UNC45A: variants seen among roughly 807,000 people sequenced by gnomAD.
The protein encoded by UNC45A is protein unc-45 homolog A.
Under a neutral mutation model 103.2 loss-of-function variants are expected in UNC45A, and 78 were observed. The ratio of observed to expected loss-of-function variants is 0.76; its 90% CI spans 0.63 to 0.91. The LOEUF (loss-of-function observed/expected upper bound fraction) is 0.91, where lower values mean the gene tolerates loss of function less well. Among genes scored for constraint, UNC45A ranks in the 40% least tolerant of loss-of-function variants. The probability of loss-of-function intolerance (pLI) is 0.00; values close to 1 mark genes in which losing one functional copy is unlikely to be tolerated. For missense variants in UNC45A, 1,193 were observed against 1,224.8 expected (o/e 0.97, Z 0.39); for synonymous variants, 495 against 504.6 (o/e 0.98, Z 0.25).
chr15:90,949,420 T>C lies in UNC45A; in HGVS notation c.1983T>C (p.Ser661=), dbSNP rs1421718988. 1 of 1,613,714 alleles carries C rather than the reference T, an allele frequency of 6.2e-7. No individual in the cohort carries two copies. Among genetic ancestry groups the C allele is most frequent in the East Asian group, 2.2e-5 (1 of 44,894 alleles). Reference sequence around the variant, plus strand: ...AGACGGAGAGCCCTGTGCTGACCAGTTCCTGCAGAGAGCTGCTCTCCAGGT... The same window carrying C: ...AGACGGAGAGCCCTGTGCTGACCAGCTCCTGCAGAGAGCTGCTCTCCAGGT... ...MVKTESPVLT[S]SCRELLSRVF... Residue 661 remains serine, a synonymous_variant, in exon 14 of 20, where the codon AGT becomes AGC. Transcript: ENST00000418476.
upstream of UNC45A, chr15:90,932,162 G>C: frequency 6.5e-7 from 1 of 1,540,838 alleles, no homozygotes; most frequent in South Asian, 1.3e-5. Context: ...TCCCAAGGCG[G>C]TGTGTTGTGG....
At chr15:90,950,689 T>C (rs1036819389) in intron 17 of UNC45A, 74 bp downstream of exon 17, 21 of 1,442,570 alleles carry the variant, frequency 1.5e-5, no homozygotes, top group East Asian at 4.8e-5. Flanking sequence ...AGTTTACACA[T>C]TGGGAAACAC....
upstream of UNC45A, chr15:90,931,795 C>T (rs2035804017): frequency 6.2e-7 from 1 of 1,614,180 alleles, no homozygotes; most frequent in East Asian, 2.2e-5. Context: ...GGGGCGCTTG[C>T]TCCACCTGCA....
At chr15:90,934,157 C>T, upstream of UNC45A, 2 of 399,290 alleles carry the variant, frequency 5.0e-6, no homozygotes, top group Non-Finnish European at 8.8e-6. Context: ...CAGCACTTAC[C>T]CCTGTGGCCC....
At position 90,950,482 on chromosome 15, in the gene UNC45A, G is replaced by T. The variant is rs1307719549; in HGVS notation, c.2188-18G>T. The T allele has an allele frequency of 2.5e-6, 4 of 1,611,644 alleles. No individual in the cohort carries two copies. Among genetic ancestry groups the T allele is most frequent in the South Asian group, 1.1e-5 (1 of 90,924 alleles). On this transcript the variant is annotated intron_variant, in intron 16 of 19. Coordinates refer to ENST00000418476, the MANE Select transcript of UNC45A (RefSeq NM_018671.5). ...GGGCTGCGGCAAGTACCCCTGACAG[G>T]TGGGGTGCACATTGCAGATCTATGA...
chr15:90,938,020 C>A (rs1295148277), intron 4 of UNC45A, among the ~76,000 whole-genome samples: 1 of 152,158 alleles, frequency 6.6e-6, no homozygotes, highest in Non-Finnish European at 1.5e-5. Context: ...TGGTCTTGAA[C>A]TCCTAGGCTC....
rs2151373983 is a variant in UNC45A, at chr15:90,949,359, C to T, written c.1922C>T (p.Ala641Val). 6.2e-7 allele frequency: 1 copy of T among 1,613,600 alleles called. No individual in the cohort carries two copies. The change falls in exon 14 of 20, where the codon GCA becomes GTA. Residue 641 changes from alanine (A) to valine (V), a missense_variant. By Grantham distance (64) the Ala-to-Val change is moderately conservative. Transcript: ENST00000418476. ...CGGGCTCGGGTGAAGAAGCTGCTGG[C>T]AGCGGGTGTGGTGTCGGCCATGGTG... ...FVRARVKKLL[A>V]AGVVSAMVCM...
rs1412906112 is a variant in UNC45A at position 90,935,303 on chromosome 15, G to A, written c.-22G>A. On this transcript the variant is annotated 5_prime_UTR_variant, in exon 1 of 20. Coordinates refer to ENST00000418476, the MANE Select transcript of UNC45A (RefSeq NM_018671.5). ...CCGCCCCAGAGACTGCGCCTGCGCG[G>A]GCACGAGACAACCTCTCCGCGATGA... The A allele has an allele frequency of 2.5e-6, 4 of 1,596,690 alleles. No homozygotes were observed. Among genetic ancestry groups the A allele is most frequent in the East Asian group, 2.3e-5 (1 of 43,936 alleles).
chr15:90,932,505 G>C (rs562598170), upstream of UNC45A: 490 of 1,307,272 alleles, frequency 3.7e-4, no homozygotes, highest in African/African-American at 6.6e-3. Flanking sequence ...CCGCGAAGTC[G>C]GCAGCCTCCA....
chr15:90,950,672 C>A, intron 17 of UNC45A, 57 bp downstream of exon 17: 1 of 1,543,030 alleles, frequency 6.5e-7, no homozygotes, highest in East Asian at 2.3e-5. Context: ...GGAATATCCC[C>A]CACAGCAGTT....
upstream of UNC45A, chr15:90,934,467 G>C: frequency 2.5e-6 from 1 of 399,042 alleles, no homozygotes; most frequent in Non-Finnish European, 4.4e-6. Context: ...GCAGGCTGCA[G>C]GGGGCTCCTG....
At position 90,952,721 on chromosome 15, in the gene UNC45A, G is replaced by A. The variant is rs147348406; in HGVS notation, c.2304-208G>A. On this transcript the variant is annotated intron_variant, in intron 17 of 19. Transcript: ENST00000418476. Reference sequence around the variant, plus strand: ...ATTACAGGCGTGAGCCTCCACGCCCGGCCGAGATGCCACGCACTTTTAAAT... The same window carrying A: ...ATTACAGGCGTGAGCCTCCACGCCCAGCCGAGATGCCACGCACTTTTAAAT... 4.6e-4 allele frequency: 258 copies of A among 564,316 alleles called. 2 individuals are homozygous for A. Among genetic ancestry groups the A allele is most frequent in the African/African-American group, 1.8e-3 (96 of 53,276 alleles). The allele number at this position is 564,316 out of a possible 1,614,324, so 35.0% of individuals were successfully genotyped here. A position where few individuals can be genotyped will look rare whatever the true frequency, so the allele number is the denominator to read the frequency against.
chr15:90,939,171 G>T (rs1596214692), intron 4 of UNC45A, among the ~76,000 whole-genome samples: 1 of 151,934 alleles, frequency 6.6e-6, no homozygotes, highest in South Asian at 2.1e-4. Context: ...AGTAGAGATG[G>T]GGTTTCACCT....
intron 6 of UNC45A, among the ~76,000 whole-genome samples, 172 bp from the exon 7 acceptor site, chr15:90,942,265 T>C (rs982206553): frequency 2.0e-5 from 3 of 152,202 alleles, no homozygotes; most frequent in Non-Finnish European, 4.4e-5. Flanking sequence ...CTAACAAAAT[T>C]ATCCTGCCAT....
chr15:90,953,506 C>G lies in UNC45A; in HGVS notation c.2625C>G (p.Asn875Lys), dbSNP rs769307330. ...TGCAGGCCCTGCTTCTGAGCTCCAACCAGGAGCTGCAGCACCGGGGTGCTG... is the reference window on the plus strand; with the variant it reads ...TGCAGGCCCTGCTTCTGAGCTCCAAGCAGGAGCTGCAGCACCGGGGTGCTG... ...EILQALLLSSNQELQHRGAVV... is the reference protein window; with the variant it reads ...EILQALLLSSKQELQHRGAVV... The change falls in exon 20 of 20, where the codon AAC (asparagine) becomes AAG (lysine). Residue 875 changes from asparagine to lysine, a missense_variant. By Grantham distance (94) the Asn-to-Lys change is moderately conservative. Transcript: ENST00000418476. 1.1e-5 allele frequency: 17 copies of G among 1,614,070 alleles called. No homozygotes were observed. The highest frequency in any genetic ancestry group is 3.3e-5 in the Admixed American group (2 of 60,026).
chr15:90,949,572 C>T (rs1011834537), intron 14 of UNC45A, 82 bp from the exon 15 acceptor site: 1 of 1,601,216 alleles, frequency 6.2e-7, no homozygotes, highest in Admixed American at 1.7e-5. Flanking sequence ...TGCGTGGCTG[C>T]CGTCTTTGCT....
At position 90,942,921 on chromosome 15, in the gene UNC45A, G is replaced by A. The variant is rs368280300; in HGVS notation, c.866G>A (p.Arg289Gln). ...TTCTTGTTGTTGCCAGATCCTGCCC[G>A]GGAGCTGAAGGTCCTCATCAGTAAC... ...KEGAIIVDPARELKVLISNLL... is the reference protein window; with the variant it reads ...KEGAIIVDPAQELKVLISNLL... Residue 289 changes from arginine to glutamine, a missense_variant, in exon 8 of 20, where the codon CGG becomes CAG. By Grantham distance (43) the Arg-to-Gln change is conservative. Coordinates refer to ENST00000418476, the MANE Select transcript of UNC45A (RefSeq NM_018671.5). The A allele has an allele frequency of 1.6e-5, 25 of 1,606,570 alleles. No homozygotes were observed. Among genetic ancestry groups the A allele is most frequent in the Middle Eastern group, 1.7e-4 (1 of 6,028 alleles).
At chr15:90,930,347 A>G (rs1596197949), upstream of UNC45A, 1 of 151,968 alleles carries the variant, frequency 6.6e-6, no homozygotes, top group South Asian at 2.1e-4. Flanking sequence ...AGCGGGCGGC[A>G]CTCCCTTCCG....
upstream of UNC45A, chr15:90,935,255 G>T: frequency 6.9e-7 from 1 of 1,458,912 alleles, no homozygotes. Context: ...AGCTGCCGGT[G>T]GCGTCCCGAA....
Sources: allele counts gnomAD v4.1 joint callset (sites outside exome capture counted in the v4.1 genomes callset), GRCh38; gene constraint gnomAD v4.1.1; transcripts MANE v1.5; gene names NCBI Gene and HGNC (gene_info 2026-07-23, HGNC 2026-07-21).